DDX10: variants seen among roughly 807,000 people sequenced by gnomAD.
The protein encoded by DDX10 is probable ATP-dependent RNA helicase DDX10.
DDX10 carries 74 observed loss-of-function variants against 104.3 expected under a neutral mutation model. That is an observed-to-expected ratio of 0.71 (90% CI 0.59 to 0.86). The LOEUF (loss-of-function observed/expected upper bound fraction) is 0.86, where lower values mean the gene tolerates loss of function less well. Among genes scored for constraint, DDX10 ranks in the 40% least tolerant of loss-of-function variants. The pLI is 0.00. For missense variants in DDX10, 952 were observed against 1,040.0 expected (o/e 0.92, Z 1.16); for synonymous variants, 351 against 353.4 (o/e 0.99, Z 0.08).
intron 16 of DDX10, among the ~76,000 whole-genome samples, chr11:108,858,541 A>G (rs900142168): frequency 6.6e-6 from 1 of 152,114 alleles, no homozygotes; most frequent in African/African-American, 2.4e-5. Flanking sequence ...TATCTAACAC[A>G]CTCAGCCCTT....
intron 16 of DDX10, among the ~76,000 whole-genome samples, chr11:108,878,911 T>C (rs1482711384): frequency 1.3e-5 from 2 of 152,204 alleles, no homozygotes; most frequent in Non-Finnish European, 2.9e-5. Flanking sequence ...CTGAAATACT[T>C]TTGCTTTCGT....
intron 9 of DDX10, among the ~76,000 whole-genome samples, chr11:108,699,174 A>G (rs2094264037): frequency 8.5e-6 from 1 of 117,856 alleles, no homozygotes; most frequent in South Asian, 3.4e-4. Flanking sequence ...GTAGTAGACT[A>G]CATTTGAGAT....
At chr11:108,815,166 T>G (rs1238269573) in intron 13 of DDX10, among the ~76,000 whole-genome samples, 1 of 152,184 alleles carries the variant, frequency 6.6e-6, no homozygotes, top group African/African-American at 2.4e-5. Context: ...TATACTTTGA[T>G]GTAACATTAC....
At chr11:108,884,953 A>G (rs1034576528) in intron 16 of DDX10, among the ~76,000 whole-genome samples, 5 of 152,094 alleles carry the variant, frequency 3.3e-5, no homozygotes, top group Non-Finnish European at 5.9e-5. Flanking sequence ...TTTTTCCTCT[A>G]CAGGTGGTCT....
chr11:108,843,938 G>A (rs1171459861), intron 15 of DDX10, among the ~76,000 whole-genome samples: 1 of 152,188 alleles, frequency 6.6e-6, no homozygotes, highest in South Asian at 2.1e-4. Flanking sequence ...AAGGTGTATC[G>A]TTGTGCACTT....
At chr11:108,797,096 C>T (rs957570496) in intron 13 of DDX10, among the ~76,000 whole-genome samples, 12 of 151,886 alleles carry the variant, frequency 7.9e-5, no homozygotes, top group African/African-American at 1.2e-4. Context: ...TGCAGTGGCA[C>T]GATCTTGGCT....
intron 13 of DDX10, among the ~76,000 whole-genome samples, chr11:108,835,832 T>C (rs1266319808): frequency 1.4e-5 from 2 of 139,832 alleles, no homozygotes; most frequent in African/African-American, 5.4e-5. Context: ...ATTTGAGGCG[T>C]GGTGGGGGGT....
chr11:108,784,048 C>G (rs952219419), intron 13 of DDX10, among the ~76,000 whole-genome samples: 4 of 152,160 alleles, frequency 2.6e-5, no homozygotes, highest in Non-Finnish European at 4.4e-5. Context: ...TTATCCAGTT[C>G]ATCATTGAAG....
intron 13 of DDX10, among the ~76,000 whole-genome samples, chr11:108,781,850 T>C (rs1259329044): frequency 6.6e-6 from 1 of 152,194 alleles, no homozygotes; most frequent in Non-Finnish European, 1.5e-5. Flanking sequence ...TGAATTGCTC[T>C]ATTTTTAATT....
At chr11:108,876,663 C>T in intron 16 of DDX10, among the ~76,000 whole-genome samples, 1 of 152,164 alleles carries the variant, frequency 6.6e-6, no homozygotes, top group East Asian at 1.9e-4. Context: ...ATTAGTACCT[C>T]AACTCTAAAT....
intron 16 of DDX10, among the ~76,000 whole-genome samples, chr11:108,900,195 C>T (rs1319570195): frequency 1.3e-5 from 2 of 152,138 alleles, no homozygotes; most frequent in Non-Finnish European, 2.9e-5. Context: ...CTTTGCCTTC[C>T]ACTGCGATTG....
At chr11:108,744,362 C>G (rs1591807218) in intron 13 of DDX10, among the ~76,000 whole-genome samples, 1 of 152,144 alleles carries the variant, frequency 6.6e-6, no homozygotes, top group South Asian at 2.1e-4. Context: ...TTCTGCTGGA[C>G]TACTTAGAAC....
intron 6 of DDX10, 100 bp downstream of exon 6, chr11:108,679,660 A>G (rs1478753504): frequency 4.6e-5 from 41 of 888,912 alleles, no homozygotes; most frequent in South Asian, 1.2e-4. Context: ...AAGACATTCT[A>G]TGAGTTATTG....
At chr11:108,874,452 A>C (rs1341404580) in intron 16 of DDX10, among the ~76,000 whole-genome samples, 1 of 152,228 alleles carries the variant, frequency 6.6e-6, no homozygotes, top group African/African-American at 2.4e-5. Context: ...TCTACATTGG[A>C]AAGTAATCAG....
At chr11:108,718,178 A>T (rs75945773) in intron 11 of DDX10, among the ~76,000 whole-genome samples, 1 of 151,178 alleles carries the variant, frequency 6.6e-6, no homozygotes, top group African/African-American at 2.4e-5. Flanking sequence ...AAAAAAAAAA[A>T]TTGTCTAGAG....
intron 10 of DDX10, 56 bp from the exon 11 acceptor site, chr11:108,715,823 T>C: frequency 1.1e-6 from 1 of 884,476 alleles, no homozygotes; most frequent in South Asian, 1.5e-5. Context: ...TGCTTACTAT[T>C]TTTAGTCTCC....
intron 13 of DDX10, among the ~76,000 whole-genome samples, chr11:108,814,725 T>C (rs1862232147): frequency 6.6e-6 from 1 of 152,220 alleles, no homozygotes; most frequent in Non-Finnish European, 1.5e-5. Flanking sequence ...TGATCCTTCG[T>C]AATTAAGTTA....
intron 13 of DDX10, among the ~76,000 whole-genome samples, chr11:108,800,401 C>T (rs919894735): frequency 7.8e-5 from 11 of 141,322 alleles, no homozygotes; most frequent in East Asian, 4.2e-4. Context: ...GCCGAGATCG[C>T]GCCACTGCTC....
intron 13 of DDX10, among the ~76,000 whole-genome samples, chr11:108,827,565 A>G (rs1862412364): frequency 6.6e-6 from 1 of 152,220 alleles, no homozygotes. Context: ...TTTTTAGAAG[A>G]AAAATCCTAC....
Sources: gnomAD v4.1 joint callset for allele counts (sites outside exome capture counted in the v4.1 genomes callset) on GRCh38, gnomAD v4.1.1 for gene constraint, MANE v1.5 for transcripts, NCBI Gene and HGNC (gene_info 2026-07-23, HGNC 2026-07-21) for gene names.